GNA14: variants seen among roughly 807,000 people sequenced by gnomAD.
GNA14 encodes G protein subunit alpha 14.
Under a neutral mutation model 42.0 loss-of-function variants are expected in GNA14, and 50 were observed. That is an observed-to-expected ratio of 1.19 (90% CI 0.95 to 1.51). The LOEUF (loss-of-function observed/expected upper bound fraction) is 1.51, where lower values mean the gene tolerates loss of function less well. GNA14 is among the 40% of genes most tolerant of loss of function. The pLI is 0.00. For missense variants in GNA14, 473 were observed against 446.2 expected, an observed-to-expected ratio of 1.06 and a Z score of -0.54; for synonymous variants, 173 against 163.1, an observed-to-expected ratio of 1.06 and a Z score of -0.46.
intron 1 of GNA14, among the ~76,000 whole-genome samples, chr9:77,647,315 G>A (rs760789462): frequency 7.9e-5 from 12 of 152,186 alleles, no homozygotes; most frequent in Non-Finnish European, 1.5e-4. Context: ...CCCAAGATGT[G>A]GGTCACCACA....
At chr9:77,560,724 A>G (rs1011577866) in intron 1 of GNA14, among the ~76,000 whole-genome samples, 1 of 152,214 alleles carries the variant, frequency 6.6e-6, no homozygotes, top group African/African-American at 2.4e-5. Flanking sequence ...GGATTCAGCT[A>G]GCTTCCTTTC....
chr9:77,473,391 G>A (rs922309064), intron 2 of GNA14, among the ~76,000 whole-genome samples: 1 of 152,110 alleles, frequency 6.6e-6, no homozygotes, highest in African/African-American at 2.4e-5. Flanking sequence ...AGGAGGTGAA[G>A]GTTGCAGTGA....
Position 77,434,396 on chromosome 9 carries a change from C to G in GNA14, c.436G>C (p.Glu146Gln), listed in dbSNP as rs1409475654. 2 of 1,613,940 alleles carry G rather than the reference C, an allele frequency of 1.2e-6. No individual in the cohort carries two copies. ...TTGGCAGAGTCCGACAGCTGGTACT[C>G]CCTCCTCCTGTCGTAACACTCCTGG... is the stretch of plus-strand genomic sequence containing the variant. ...GIQECYDRRREYQLSDSAKYY... is the reference protein window; with the variant it reads ...GIQECYDRRRQYQLSDSAKYY... Residue 146 changes from glutamate (E) to glutamine (Q), a missense_variant, in exon 3 of 7, where the codon GAG becomes CAG. Physicochemically the swap from Glu to Gln is conservative, Grantham distance 29 (BLOSUM62 2). Transcript: ENST00000341700.
At chr9:77,481,680 G>A (rs1390091877) in intron 2 of GNA14, among the ~76,000 whole-genome samples, 1 of 152,130 alleles carries the variant, frequency 6.6e-6, no homozygotes, top group African/African-American at 2.4e-5. Flanking sequence ...TTGTGTGGAA[G>A]TCTAAGTCTC....
chr9:77,641,727 G>A (rs938866372), intron 1 of GNA14, among the ~76,000 whole-genome samples: 3 of 152,180 alleles, frequency 2.0e-5, no homozygotes, highest in East Asian at 1.9e-4. Flanking sequence ...GGAGGTGGGG[G>A]AACACCACTA....
At chr9:77,564,194 C>T (rs1822928599) in intron 1 of GNA14, among the ~76,000 whole-genome samples, 1 of 151,604 alleles carries the variant, frequency 6.6e-6, no homozygotes, top group Admixed American at 6.6e-5. Flanking sequence ...ACATGTGGTT[C>T]TCAATCCTGG....
chr9:77,591,119 T>C (rs1408285491), intron 1 of GNA14, among the ~76,000 whole-genome samples: 7 of 152,208 alleles, frequency 4.6e-5, no homozygotes, highest in Non-Finnish European at 1.5e-5. Flanking sequence ...GACAGTGCAC[T>C]GAAATACTGC....
rs1314483885 is a variant in GNA14 at position 77,529,303 on chromosome 9, C to T, written c.125-50G>A. ...CGCTGTCAGCAGACTTCCAAAGGAA[C>T]ACACGAAGAAACAGAGGACCTCCTG... On this transcript the variant is annotated intron_variant, in intron 1 of 6. Transcript: ENST00000341700. 14 of 1,424,306 alleles carry T rather than the reference C, an allele frequency of 9.8e-6. No individual in the cohort carries two copies. The African/African-American group carries it at 1.7e-4, about 17-fold the overall frequency. 88.2% of individuals were successfully genotyped at this position (1,424,306 alleles called of 1,614,324 possible). A position where few individuals can be genotyped will look rare whatever the true frequency, so the allele number is the denominator to read the frequency against.
intron 2 of GNA14, among the ~76,000 whole-genome samples, chr9:77,467,889 T>A (rs2131718927): frequency 6.6e-6 from 1 of 152,250 alleles, no homozygotes; most frequent in South Asian, 2.1e-4. Flanking sequence ...CCTCTTGGCA[T>A]AAAATTTTCA....
intron 1 of GNA14, among the ~76,000 whole-genome samples, chr9:77,623,511 G>A (rs895004077): frequency 2.6e-5 from 4 of 152,162 alleles, no homozygotes; most frequent in Non-Finnish European, 2.9e-5. Flanking sequence ...GCTCCTGTCT[G>A]CAGCTCCCAG....
At chr9:77,622,944 G>A (rs1308828062) in intron 1 of GNA14, among the ~76,000 whole-genome samples, 1 of 147,846 alleles carries the variant, frequency 6.8e-6, no homozygotes, top group Admixed American at 6.7e-5. Flanking sequence ...TGGGGCACAG[G>A]TGGCTCATGA....
chr9:77,527,629 TTTTTG>T (rs761989039), intron 2 of GNA14, among the ~76,000 whole-genome samples: 2 of 152,134 alleles, frequency 1.3e-5, no homozygotes, highest in Admixed American at 6.5e-5. Context: ...CCACACAATT[TTTTTG>T]TTTTGTTTTG....
rs1835949701 is a variant in GNA14 at position 77,453,520 on chromosome 9, T to C, written c.310-18998A>G. Among the ~76,000 whole-genome samples, 6 of 152,248 alleles carry C rather than the reference T, an allele frequency of 3.9e-5. No individual in the cohort carries two copies. In the South Asian group the frequency reaches 1.2e-3, roughly 32 times the overall value. ...TTCAATAAATACTGACAAAATACAA[T>C]GAAGTCAAGGAGCAATATGCATTAA... On this transcript the variant is annotated intron_variant, in intron 2 of 6. Coordinates refer to ENST00000341700, the MANE Select transcript of GNA14 (RefSeq NM_004297.4).
intron 2 of GNA14, 56 bp downstream of exon 2, chr9:77,529,013 C>T: frequency 7.0e-7 from 1 of 1,438,424 alleles, no homozygotes; most frequent in Non-Finnish European, 9.8e-7. Context: ...TTTGTGCTAA[C>T]CAGAGTGGGC....
chr9:77,638,823 AGTG>A (rs959596065), intron 1 of GNA14, among the ~76,000 whole-genome samples: 36 of 152,332 alleles, frequency 2.4e-4, no homozygotes, highest in African/African-American at 7.0e-4. Context: ...TAGGGGAAGA[AGTG>A]GTGAGATTTG....
At chr9:77,459,908 T>C (rs746554052) in intron 2 of GNA14, among the ~76,000 whole-genome samples, 54 of 152,262 alleles carry the variant, frequency 3.5e-4, no homozygotes, top group South Asian at 6.2e-4. Flanking sequence ...TACCCCACTG[T>C]GGCCGGGCAG....
chr9:77,424,363 C>G (rs529697715), intron 6 of GNA14, among the ~76,000 whole-genome samples, 194 bp from the exon 7 acceptor site: 9 of 152,308 alleles, frequency 5.9e-5, no homozygotes, highest in African/African-American at 2.2e-4. Context: ...GCTGGGATTA[C>G]AGATGCGTAC....
intron 1 of GNA14, among the ~76,000 whole-genome samples, chr9:77,543,138 C>A (rs928415745): frequency 6.6e-6 from 1 of 152,208 alleles, no homozygotes; most frequent in Non-Finnish European, 1.5e-5. Flanking sequence ...CTGGCCTCTC[C>A]TCTTCCTTCT....
chr9:77,515,302 G>A (rs550166344), intron 2 of GNA14, among the ~76,000 whole-genome samples: 2 of 152,292 alleles, frequency 1.3e-5, no homozygotes, highest in East Asian at 3.9e-4. Context: ...GAAAGACGTG[G>A]GCAGGCAAAG....
Sources: gnomAD v4.1 joint callset for allele counts (sites outside exome capture counted in the v4.1 genomes callset) on GRCh38, gnomAD v4.1.1 for gene constraint, MANE v1.5 for transcripts, NCBI Gene and HGNC (gene_info 2026-07-23, HGNC 2026-07-21) for gene names.